Variants in MAP3K13 observed in about 807,000 individuals in gnomAD.
MAP3K13 encodes the protein mitogen-activated protein kinase kinase kinase 13, also known as leucine zipper-bearing kinase.
Under a neutral mutation model 104.0 loss-of-function variants are expected in MAP3K13, and 52 were observed. The ratio of observed to expected loss-of-function variants is 0.50; its 90% CI spans 0.40 to 0.63. MAP3K13 has a LOEUF of 0.63. Among genes scored for constraint, MAP3K13 ranks in the 20% least tolerant of loss-of-function variants. The pLI is 0.00. For synonymous variants in MAP3K13, 394 were observed against 442.2 expected, an observed-to-expected ratio of 0.89 and a Z score of 1.37; for missense variants, 914 against 1,218.5, an observed-to-expected ratio of 0.75 and a Z score of 3.72.
chr3:185,361,462 A>G (rs1377306907), upstream of MAP3K13, among the ~76,000 whole-genome samples: 3 of 150,664 alleles, frequency 2.0e-5, no homozygotes, highest in Non-Finnish European at 4.4e-5. Context: ...GTGCAGTGGC[A>G]AGATCTCGGC....
At chr3:185,319,443 G>T (rs2108693043) in intron 2 of MAP3K13, among the ~76,000 whole-genome samples, 1 of 152,360 alleles carries the variant, frequency 6.6e-6, no homozygotes, top group South Asian at 2.1e-4. Flanking sequence ...GGTTAAAGAA[G>T]TAAAGCTATG....
At chr3:185,344,134 A>C (rs1722826945) in intron 2 of MAP3K13, among the ~76,000 whole-genome samples, 1 of 152,164 alleles carries the variant, frequency 6.6e-6, no homozygotes, top group Non-Finnish European at 1.5e-5. Context: ...ATGTTGATGG[A>C]GTATGTCTGT....
chr3:185,374,021 G>T (rs1724296333), intron 1 of MAP3K13, among the ~76,000 whole-genome samples: 1 of 141,210 alleles, frequency 7.1e-6, no homozygotes, highest in Admixed American at 7.4e-5. Context: ...ATTCTCAAAG[G>T]TGGGGAGATT....
At chr3:185,367,407 C>T (rs995884855) in intron 1 of MAP3K13, among the ~76,000 whole-genome samples, 2 of 151,856 alleles carry the variant, frequency 1.3e-5, no homozygotes, top group Non-Finnish European at 1.5e-5. Flanking sequence ...CTTTCAGAAT[C>T]AGGAAAGAAA....
At chr3:185,309,455 T>G (rs1212795577) in intron 2 of MAP3K13, among the ~76,000 whole-genome samples, 1 of 144,498 alleles carries the variant, frequency 6.9e-6, no homozygotes, top group Non-Finnish European at 1.5e-5. Context: ...AAGGCTGCAG[T>G]GAGCAGAGAT....
chr3:185,339,486 A>G (rs1722638516), intron 2 of MAP3K13, among the ~76,000 whole-genome samples: 1 of 152,194 alleles, frequency 6.6e-6, no homozygotes, highest in Non-Finnish European at 1.5e-5. Context: ...GCCTAACTGA[A>G]TCAGAAACTC....
intron 11 of MAP3K13, 61 bp from the exon 12 acceptor site, chr3:185,477,264 TG>T: frequency 9.8e-7 from 1 of 1,019,156 alleles, no homozygotes; most frequent in Non-Finnish European, 1.6e-6. Flanking sequence ...TTAGTGGGGA[TG>T]GGGTGAGAGA....
chr3:185,298,735 G>T (rs1236339021), intron 2 of MAP3K13, among the ~76,000 whole-genome samples: 2 of 152,162 alleles, frequency 1.3e-5, no homozygotes, highest in African/African-American at 2.4e-5. Flanking sequence ...AGTCAAAGTG[G>T]TGAAGTGGCA....
intron 1 of MAP3K13, among the ~76,000 whole-genome samples, chr3:185,400,728 A>G (rs911154257): frequency 1.3e-5 from 2 of 152,310 alleles, no homozygotes; most frequent in South Asian, 4.1e-4. Context: ...GCAGCATGCA[A>G]GAAAAAAACA....
Position 185,409,723 on chromosome 3 carries a change from G to A in MAP3K13, c.-85-18774G>A, listed in dbSNP as rs530657552. Among the ~76,000 whole-genome samples, 4 of 152,250 alleles carry A rather than the reference G, an allele frequency of 2.6e-5. No homozygotes were observed. The East Asian group carries it at 7.7e-4, about 29-fold the overall frequency. On this transcript the variant is annotated intron_variant, in intron 1 of 13. Coordinates refer to ENST00000265026, the MANE Select transcript of MAP3K13 (RefSeq NM_004721.5). ...GGACTATTCATGATAGCCAAGGTAT[G>A]AATCAACCCATGTCCGACAATAGAA...
At chr3:185,394,057 A>G (rs1344362467) in intron 1 of MAP3K13, among the ~76,000 whole-genome samples, 3 of 152,158 alleles carry the variant, frequency 2.0e-5, no homozygotes, top group Non-Finnish European at 4.4e-5. Flanking sequence ...AGGAGGGTAC[A>G]AGGGGAAAGT....
intron 12 of MAP3K13, 105 bp downstream of exon 12, chr3:185,477,501 C>A: frequency 1.2e-6 from 1 of 814,404 alleles, no homozygotes; most frequent in South Asian, 1.6e-5. Context: ...TGGCAGCCAC[C>A]TTATAGGGAA....
At chr3:185,334,996 T>C (rs1577435943) in intron 2 of MAP3K13, among the ~76,000 whole-genome samples, 2 of 150,504 alleles carry the variant, frequency 1.3e-5, no homozygotes, top group Middle Eastern at 6.8e-3. Flanking sequence ...TACTGATAAA[T>C]AGACATGGAT....
intron 2 of MAP3K13, among the ~76,000 whole-genome samples, chr3:185,316,305 TTA>T (rs527782673): frequency 2.1e-4 from 32 of 152,298 alleles, no homozygotes; most frequent in African/African-American, 6.7e-4. Context: ...TACAAATTCT[TTA>T]TGTTAAATAT....
upstream of MAP3K13, among the ~76,000 whole-genome samples, chr3:185,362,815 T>G (rs149367920): frequency 5.3e-5 from 8 of 152,292 alleles, no homozygotes; most frequent in East Asian, 1.5e-3. Flanking sequence ...TTCTAATGAA[T>G]AAAAGATGGG....
intron 3 of MAP3K13, 97 bp from the exon 4 acceptor site, chr3:185,443,348 T>G (rs1473850269): frequency 3.8e-6 from 3 of 779,384 alleles, no homozygotes; most frequent in Non-Finnish European, 5.9e-6. Flanking sequence ...TTTAAAATAA[T>G]TCGGGTATAG....
rs1713952948 is a variant in MAP3K13, at chr3:185,418,765, C to T, written c.-85-9732C>T. ...TTCGGAGTACACCGATATCATTGGG[C>T]GAGCACACGCCATGGCGGAGAGAGG... On this transcript the variant is annotated intron_variant, in intron 1 of 13. Transcript: ENST00000265026. This position sits in a 1 kb window ranked among gnomAD's most constrained non-coding sequence, Gnocchi z 4.5. 6.2e-7 allele frequency: 1 copy of T among 1,605,720 alleles called. No individual in the cohort carries two copies. Among genetic ancestry groups the T allele is most frequent in the Non-Finnish European group, 8.5e-7 (1 of 1,173,884 alleles).
chr3:185,435,565 A>G (rs905732133), intron 2 of MAP3K13, among the ~76,000 whole-genome samples: 4 of 152,116 alleles, frequency 2.6e-5, no homozygotes, highest in African/African-American at 9.7e-5. Context: ...TTTGTCAGCT[A>G]TTTGTATTTG....
In MAP3K13 at chr3:185,455,706, AT is replaced by A. The variant is rs1371180231; in HGVS notation, c.1278+4312del. On this transcript the variant is annotated intron_variant, in intron 7 of 13. Coordinates refer to ENST00000265026, the MANE Select transcript of MAP3K13 (RefSeq NM_004721.5). ...GATATATATATGATATATATATGAG[AT>A]ATATATGAGATATATATGATATATA... Among the ~76,000 whole-genome samples the A allele has an allele frequency of 3.8e-3, 41 of 10,902 alleles. 3 individuals are homozygous for A. The highest frequency in any genetic ancestry group is 6.3e-3 in the African/African-American group (41 of 6,552). The allele number at this position is 10,902 out of a possible 152,430, so 7.2% of individuals were successfully genotyped here.
Sources: allele counts gnomAD v4.1 joint callset (sites outside exome capture counted in the v4.1 genomes callset), GRCh38; gene constraint gnomAD v4.1.1; non-coding constraint Gnocchi (gnomAD v3.1); transcripts MANE v1.5; gene names NCBI Gene and HGNC (gene_info 2026-07-23, HGNC 2026-07-21).